Variants in FBXL18 observed in about 807,000 individuals in gnomAD.
The protein encoded by FBXL18 is F-box/LRR-repeat protein 18.
Under a neutral mutation model 46.0 loss-of-function variants are expected in FBXL18, and 36 were observed. That is an observed-to-expected ratio of 0.78 (90% CI 0.60 to 1.03). FBXL18 has a LOEUF of 1.03. Ranked by LOEUF, FBXL18 falls within the 50% of genes least tolerant of loss-of-function variation. The pLI, the probability that FBXL18 is intolerant of heterozygous loss-of-function variation, is 0.00. For missense variants in FBXL18, 977 were observed against 1,004.1 expected, an observed-to-expected ratio of 0.97 and a Z score of 0.36; for synonymous variants, 557 against 465.3, an observed-to-expected ratio of 1.20 and a Z score of -2.54.
rs370339712 is a variant in FBXL18 at position 5,500,659 on chromosome 7, G to A, written c.1610C>T (p.Thr537Met). The change falls in exon 3 of 5, where the codon ACG becomes ATG. Residue 537 changes from threonine (T) to methionine (M), a missense_variant. Coordinates refer to ENST00000382368, the MANE Select transcript of FBXL18 (RefSeq NM_024963.6). The stretch of plus-strand genomic sequence containing the variant: ...AAGGACGCTGGGCAGCTGTGCGAGC[G>A]TCAGGTGCCGCAGGAAGGCCAGCTG... ...IGQLAFLRHLTLAQLPSVLTG... is the reference protein window; with the variant it reads ...IGQLAFLRHLMLAQLPSVLTG... 3 of 1,611,576 alleles carry A rather than the reference G, an allele frequency of 1.9e-6. No homozygotes were observed. Among genetic ancestry groups the A allele is most frequent in the Non-Finnish European group, 2.5e-6 (3 of 1,179,370 alleles).
intron 2 of FBXL18, 28 bp from the exon 3 acceptor site, chr7:5,502,059 G>A (rs764619899): frequency 1.9e-5 from 29 of 1,507,684 alleles, no homozygotes; most frequent in Middle Eastern, 1.8e-4. Context: ...GGTGGGGAGA[G>A]GAAGGAAAGG....
chr7:5,467,982 CTTTT>C (rs545171582), intron 4 of FBXL18, among the ~76,000 whole-genome samples: 3 of 139,790 alleles, frequency 2.1e-5, no homozygotes, highest in Admixed American at 7.3e-5. Context: ...CAGCCTCGAA[CTTTT>C]TTTTTTTTTT....
At chr7:5,489,960 A>G in intron 4 of FBXL18, 1 of 1,274,158 alleles carries the variant, frequency 7.8e-7, no homozygotes, top group Non-Finnish European at 1.0e-6. Flanking sequence ...AACAAACAAG[A>G]AAAAAGATTG....
intron 4 of FBXL18, among the ~76,000 whole-genome samples, chr7:5,463,247 C>T (rs965165071): frequency 6.6e-6 from 1 of 151,530 alleles, no homozygotes; most frequent in Non-Finnish European, 1.5e-5. Flanking sequence ...GTTGGCATTT[C>T]CTGAAAATGT....
chr7:5,487,287 C>T (rs907423678), intron 4 of FBXL18, among the ~76,000 whole-genome samples: 4 of 152,266 alleles, frequency 2.6e-5, no homozygotes, highest in African/African-American at 9.6e-5. Flanking sequence ...GTACAGGTGT[C>T]CGTGGACGGG....
chr7:5,491,756 G>T (rs558963472), intron 3 of FBXL18, among the ~76,000 whole-genome samples: 2 of 152,346 alleles, frequency 1.3e-5, no homozygotes, highest in African/African-American at 4.8e-5. Flanking sequence ...CAGCCTGCCT[G>T]GTGCACCCCA....
rs1265783730 is a variant in FBXL18, at chr7:5,501,804, G to A, written c.465C>T (p.Pro155=). The change falls in exon 3 of 5, where the codon CCC becomes CCT. Residue 155 remains proline (P), a synonymous_variant. Coordinates refer to ENST00000382368, the MANE Select transcript of FBXL18 (RefSeq NM_024963.6). ...HLRSLAIDVS[P]GFDASQLSSE... ...TGCTCAGCTGGCTGGCGTCGAAGCC[G>A]GGGCTCACGTCGATGGCCAGCGAGC... 1.3e-6 allele frequency: 2 copies of A among 1,574,242 alleles called. No homozygotes were observed. Among genetic ancestry groups the A allele is most frequent in the Non-Finnish European group, 1.7e-6 (2 of 1,160,534 alleles).
chr7:5,506,649 C>T (rs540668278), intron 1 of FBXL18, among the ~76,000 whole-genome samples: 2 of 151,886 alleles, frequency 1.3e-5, no homozygotes, highest in Non-Finnish European at 2.9e-5. Context: ...CTCCACCTCG[C>T]AGGTTCAGGA....
chr7:5,470,008 G>T (rs1783403070), intron 4 of FBXL18, among the ~76,000 whole-genome samples: 1 of 152,166 alleles, frequency 6.6e-6, no homozygotes, highest in Admixed American at 6.5e-5. Flanking sequence ...GAAGTGTACG[G>T]GTATGAACGG....
intron 4 of FBXL18, among the ~76,000 whole-genome samples, chr7:5,469,603 C>T (rs1001863022): frequency 4.0e-5 from 6 of 150,342 alleles, no homozygotes; most frequent in East Asian, 2.0e-4. Context: ...GAGATGAGAA[C>T]GTGTGTGGTG....
Position 5,481,738 on chromosome 7 carries a change from CGAG to C in FBXL18, c.*34_*36del, listed in dbSNP as rs1033178560. On this transcript the variant is annotated 3_prime_UTR_variant, in exon 5 of 5. Transcript: ENST00000382368. ...GGCGTCCCAGGCTCCTGCAGCTTCT[CGAG>C]GTGACTGAGACCGATGGGCGGCGGC... The C allele has an allele frequency of 1.9e-6, 3 of 1,608,942 alleles. No homozygotes were observed. In the African/African-American group the frequency reaches 4.0e-5, roughly 21 times the overall value.
intron 4 of FBXL18, among the ~76,000 whole-genome samples, chr7:5,463,741 T>TTTA (rs1562672350): frequency 0.036 from 1,644 of 46,074 alleles, 19 homozygotes; most frequent in Non-Finnish European, 0.067. Context: ...TTTTTTTTTT[T>TTTA]TTTTTTTTTT....
Position 5,501,158 on chromosome 7 carries a change from C to T in FBXL18, c.1111G>A (p.Asp371Asn), listed in dbSNP as rs1784239679. 1 of 1,613,122 alleles carries T rather than the reference C, an allele frequency of 6.2e-7. No homozygotes were observed. The highest frequency in any genetic ancestry group is 8.5e-7 in the Non-Finnish European group (1 of 1,179,822). Residue 371 changes from aspartate (D) to asparagine (N), a missense_variant, in exon 3 of 5, where the codon GAC (aspartate) becomes AAC (asparagine). Coordinates refer to ENST00000382368, the MANE Select transcript of FBXL18 (RefSeq NM_024963.6). The stretch of plus-strand genomic sequence containing the variant: ...ACCAGAGTCTCCAGGATGCTGCTGT[C>T]GATGTCGTCCTCCGCCTTGCGGAGC... ...SLLRKAEDDI[D>N]SSILETLVAS...
chr7:5,480,600 G>C lies in FBXL18; in HGVS notation c.*1175C>G, dbSNP rs1266455037. 8.0e-6 allele frequency: 1 copy of C among 124,830 alleles called. No homozygotes were observed. The highest frequency in any genetic ancestry group is 3.2e-5 in the African/African-American group (1 of 31,268). 7.7% of individuals were successfully genotyped at this position (124,830 alleles called of 1,614,324 possible). A position where few individuals can be genotyped will look rare whatever the true frequency, so the allele number is the denominator to read the frequency against. ...TTTTTTTGAGGCGGAGTCTCACCCT[G>C]TTGTCCAGGCTGGAGTGCAATGGTG... On this transcript the variant is annotated 3_prime_UTR_variant, in exon 5 of 5. Coordinates refer to ENST00000382368, the MANE Select transcript of FBXL18 (RefSeq NM_024963.6).
chr7:5,489,410 G>C, intron 4 of FBXL18: 1 of 480,796 alleles, frequency 2.1e-6, no homozygotes, highest in Admixed American at 2.2e-5. Flanking sequence ...TGAGGTAAGC[G>C]GATCACCTGA....
intron 1 of FBXL18, among the ~76,000 whole-genome samples, chr7:5,507,551 C>T (rs1784422474): frequency 6.6e-6 from 1 of 152,116 alleles, no homozygotes. Flanking sequence ...ATTAGCAGAA[C>T]AAGGCCGGGC....
chr7:5,500,807 G>A lies in FBXL18; in HGVS notation c.1462C>T (p.Leu488Phe), dbSNP rs775085850. 13 of 1,612,532 alleles carry A rather than the reference G, an allele frequency of 8.1e-6. No individual in the cohort carries two copies. The Admixed American group carries it at 2.2e-4, about 27-fold the overall frequency. Residue 488 changes from leucine to phenylalanine, a missense_variant, in exon 3 of 5, where the codon CTC (leucine) becomes TTC (phenylalanine). Transcript: ENST00000382368. ...LLKNLPFLEH[L>F]ELIGSNFSSA... ...GAGAAGTTGGACCCAATCAGCTCGA[G>A]GTGTTCCAGGAAGGGCAGGTTCTTC...
intron 4 of FBXL18, among the ~76,000 whole-genome samples, chr7:5,482,384 G>A (rs1016533316): frequency 6.6e-6 from 1 of 152,178 alleles, no homozygotes; most frequent in Admixed American, 6.5e-5. Flanking sequence ...CCTCAAGGGG[G>A]TGCGACTGCC....
intron 4 of FBXL18, among the ~76,000 whole-genome samples, chr7:5,469,757 G>A (rs1270993252): frequency 6.6e-6 from 1 of 152,024 alleles, no homozygotes; most frequent in East Asian, 1.9e-4. Context: ...TGTGTGGCTG[G>A]GGTGGAGGTG....
Sources: gnomAD v4.1 joint callset for allele counts (sites outside exome capture counted in the v4.1 genomes callset) on GRCh38, gnomAD v4.1.1 for gene constraint, MANE v1.5 for transcripts, NCBI Gene and HGNC (gene_info 2026-07-23, HGNC 2026-07-21) for gene names.